The following PXDNL variants were observed in gnomAD, a reference collection of about 807,000 sequenced individuals.
PXDNL encodes the protein peroxidasin like.
In PXDNL, 145 loss-of-function variants were observed where a neutral mutation model predicts 150.8. The observed-to-expected ratio is 0.96, with a 90% CI of 0.84 to 1.10. The LOEUF is 1.10. Among genes scored for constraint, PXDNL ranks in the 50% least tolerant of loss-of-function variants. The pLI is 0.00. For missense variants in PXDNL, 2,087 were observed against 1,873.9 expected (o/e 1.11, Z -2.10); for synonymous variants, 757 against 725.7 (o/e 1.04, Z -0.69).
chr8:51,499,534 T>C (rs1387819677), intron 5 of PXDNL, among the ~76,000 whole-genome samples, 165 bp downstream of exon 5: 1 of 152,214 alleles, frequency 6.6e-6, no homozygotes, highest in Admixed American at 6.5e-5. Flanking sequence ...CCATTGATCT[T>C]AAAGTATAGA....
chr8:51,533,347 C>T lies in PXDNL; in HGVS notation c.380+23493G>A, dbSNP rs956240603. 5.9e-5 allele frequency among the ~76,000 whole-genome samples: 9 copies of T among 152,042 alleles called. 1 individual carries two copies. The highest frequency in any genetic ancestry group is 1.0e-4 in the Non-Finnish European group (7 of 68,010). On this transcript the variant is annotated intron_variant, in intron 4 of 22. Coordinates refer to ENST00000356297, the MANE Select transcript of PXDNL (RefSeq NM_144651.5). ...TGTATTTTTAGTAGACACAGGGTTT[C>T]ACCATGTTGGCCAGGCTGGTCTTGA...
At chr8:51,512,726 T>C (rs1438605333) in intron 4 of PXDNL, among the ~76,000 whole-genome samples, 1 of 152,182 alleles carries the variant, frequency 6.6e-6, no homozygotes, top group Non-Finnish European at 1.5e-5. Context: ...AAGGACAAAG[T>C]TTCCAACCTT....
chr8:51,632,245 A>C (rs1232880083), intron 2 of PXDNL, among the ~76,000 whole-genome samples: 1 of 152,196 alleles, frequency 6.6e-6, no homozygotes, highest in Non-Finnish European at 1.5e-5. Flanking sequence ...CAGAAGATAA[A>C]TAACAATATA....
chr8:51,371,131 C>T (rs546706473), intron 19 of PXDNL, among the ~76,000 whole-genome samples: 1 of 152,334 alleles, frequency 6.6e-6, no homozygotes, highest in African/African-American at 2.4e-5. Context: ...GTGAAGACGT[C>T]AGCATGTTCT....
chr8:51,493,492 G>C (rs1395327964), intron 5 of PXDNL, among the ~76,000 whole-genome samples: 6 of 152,108 alleles, frequency 3.9e-5, no homozygotes, highest in Non-Finnish European at 8.8e-5. Context: ...CGAGCTAAAG[G>C]AGGAAGTTCG....
intron 1 of PXDNL, among the ~76,000 whole-genome samples, chr8:51,752,586 A>G (rs557767454): frequency 6.6e-6 from 1 of 152,264 alleles, no homozygotes; most frequent in South Asian, 2.1e-4. Flanking sequence ...CAGCATCATG[A>G]ACCTCTGTCA....
At chr8:51,384,498 A>G (rs544182844) in intron 17 of PXDNL, among the ~76,000 whole-genome samples, 7 of 152,154 alleles carry the variant, frequency 4.6e-5, no homozygotes, top group Non-Finnish European at 5.9e-5. Context: ...GGGACTCTAG[A>G]TATCTAATTT....
chr8:51,640,459 T>A (rs1814723604), intron 2 of PXDNL, among the ~76,000 whole-genome samples: 1 of 152,144 alleles, frequency 6.6e-6, no homozygotes, highest in South Asian at 2.1e-4. Context: ...AAAACCCCAT[T>A]GTCTCAGCCC....
At chr8:51,615,947 A>C (rs959492080) in intron 2 of PXDNL, among the ~76,000 whole-genome samples, 1 of 152,134 alleles carries the variant, frequency 6.6e-6, no homozygotes, top group Non-Finnish European at 1.5e-5. Flanking sequence ...GAGACTGTCC[A>C]TGCAAGTGTC....
intron 5 of PXDNL, among the ~76,000 whole-genome samples, chr8:51,495,736 G>A (rs1194682829): frequency 1.3e-5 from 2 of 152,150 alleles, no homozygotes; most frequent in African/African-American, 4.8e-5. Context: ...CCAGGAAGAA[G>A]TTGAATCTCT....
intron 2 of PXDNL, among the ~76,000 whole-genome samples, chr8:51,652,771 C>A (rs28754342): frequency 1.3e-5 from 2 of 152,090 alleles, no homozygotes; most frequent in Non-Finnish European, 2.9e-5. Flanking sequence ...TAAAATGAGG[C>A]TTGCAATTAA....
At chr8:51,670,531 T>C (rs952336794) in intron 1 of PXDNL, among the ~76,000 whole-genome samples, 3 of 152,218 alleles carry the variant, frequency 2.0e-5, no homozygotes, top group Admixed American at 6.5e-5. Context: ...GGTAACTATT[T>C]GTGTATCTAA....
At chr8:51,677,741 TA>T (rs1268145307) in intron 1 of PXDNL, among the ~76,000 whole-genome samples, 11 of 152,254 alleles carry the variant, frequency 7.2e-5, no homozygotes, top group Non-Finnish European at 1.5e-4. Context: ...CTACTTCATA[TA>T]AAATCTTTTC....
chr8:51,648,581 G>T (rs1425732039), intron 2 of PXDNL, among the ~76,000 whole-genome samples: 1 of 152,150 alleles, frequency 6.6e-6, no homozygotes, highest in Non-Finnish European at 1.5e-5. Flanking sequence ...AATTGTGAGA[G>T]AATCCATTTC....
chr8:51,400,654 G>A (rs986902221), intron 17 of PXDNL, among the ~76,000 whole-genome samples: 1 of 152,130 alleles, frequency 6.6e-6, no homozygotes, highest in Non-Finnish European at 1.5e-5. Context: ...AGGCATGTGT[G>A]TCTTCTGTGT....
chr8:51,497,235 T>C (rs1002711827), intron 5 of PXDNL, among the ~76,000 whole-genome samples: 2 of 152,256 alleles, frequency 1.3e-5, no homozygotes, highest in South Asian at 2.1e-4. Context: ...TAGCCATATG[T>C]AGAAAGCTGA....
chr8:51,628,337 ATTTCTTTCTTTC>A (rs58261998), intron 2 of PXDNL, among the ~76,000 whole-genome samples: 1 of 111,406 alleles, frequency 9.0e-6, no homozygotes, highest in Non-Finnish European at 2.2e-5. Context: ...CTTCTTCTTT[ATTTCTTTCTTTC>A]TTTCTTTTCT....
intron 3 of PXDNL, among the ~76,000 whole-genome samples, chr8:51,574,524 A>G (rs1195159127): frequency 1.3e-5 from 2 of 152,098 alleles, no homozygotes; most frequent in Non-Finnish European, 2.9e-5. Flanking sequence ...ACAATGACTG[A>G]AAACTTCCAA....
chr8:51,793,706 T>C (rs1489092984), intron 1 of PXDNL, among the ~76,000 whole-genome samples: 5 of 152,136 alleles, frequency 3.3e-5, no homozygotes, highest in South Asian at 2.1e-4. Flanking sequence ...CTGGCGAACA[T>C]AGTGAAACAC....
Sources: gnomAD v4.1 joint callset for allele counts (sites outside exome capture counted in the v4.1 genomes callset) on GRCh38, gnomAD v4.1.1 for gene constraint, MANE v1.5 for transcripts, NCBI Gene and HGNC (gene_info 2026-07-23, HGNC 2026-07-21) for gene names.